Variants in UBE2E1 observed in about 807,000 individuals in gnomAD.
The protein encoded by UBE2E1 is ubiquitin conjugating enzyme E2 E1, also known as ubiquitin-conjugating enzyme E2 E1.
A neutral mutation model predicts 21.4 loss-of-function variants in UBE2E1; 6 were observed. That is an observed-to-expected ratio of 0.28 (90% CI 0.15 to 0.55). The LOEUF (loss-of-function observed/expected upper bound fraction) is 0.55, where lower values mean the gene tolerates loss of function less well. Among genes scored for constraint, UBE2E1 ranks in the 20% least tolerant of loss-of-function variants. UBE2E1 has a pLI of 0.93. For missense variants in UBE2E1, 142 were observed against 236.5 expected (o/e 0.60, Z 2.62); for synonymous variants, 87 against 82.7 (o/e 1.05, Z -0.28).
rs1162737574 is a variant in UBE2E1, at chr3:23,842,555, G to A, written c.203+31045G>A. 6.6e-6 allele frequency among the ~76,000 whole-genome samples: 1 copy of A among 152,070 alleles called. No individual in the cohort carries two copies. The highest frequency in any genetic ancestry group is 1.5e-5 in the Non-Finnish European group (1 of 68,022). ...TTGTCATCCTAAGTGAGATAATAAG[G>A]CAAGATATTTCAAGGCCTCCTTTTG... On this transcript the variant is annotated intron_variant, in intron 3 of 5. Transcript: ENST00000306627. This position sits in a 1 kb window ranked among gnomAD's most constrained non-coding sequence, Gnocchi z 4.6.
chr3:23,838,611 C>G (rs1389781416), intron 3 of UBE2E1, among the ~76,000 whole-genome samples: 7 of 152,176 alleles, frequency 4.6e-5, no homozygotes, highest in Admixed American at 4.6e-4. Flanking sequence ...TTTCTCCTGC[C>G]TCAGCCTCCT....
At chr3:23,840,118 T>G (rs1183380142) in intron 3 of UBE2E1, among the ~76,000 whole-genome samples, 1 of 152,212 alleles carries the variant, frequency 6.6e-6, no homozygotes, top group Non-Finnish European at 1.5e-5. Context: ...AGTTGTTGTA[T>G]TTCTTCATAT....
At chr3:23,811,383 G>T in intron 2 of UBE2E1, 77 bp from the exon 3 acceptor site, 1 of 1,380,688 alleles carries the variant, frequency 7.2e-7, no homozygotes. Context: ...TTTATCTGCA[G>T]ACCTGCACGC....
intron 3 of UBE2E1, among the ~76,000 whole-genome samples, chr3:23,822,520 G>A (rs1298920647): frequency 6.6e-6 from 1 of 151,652 alleles, no homozygotes; most frequent in South Asian, 2.1e-4. Flanking sequence ...TCTACTTTAC[G>A]AGATTCAAGT....
chr3:23,811,423 C>T, intron 2 of UBE2E1, 37 bp from the exon 3 acceptor site: 1 of 1,612,434 alleles, frequency 6.2e-7, no homozygotes, highest in Non-Finnish European at 8.5e-7. Context: ...CGCCTTAATG[C>T]TTCTTGTGTT....
intron 3 of UBE2E1, among the ~76,000 whole-genome samples, chr3:23,828,284 C>G (rs1439841915): frequency 1.3e-5 from 2 of 152,156 alleles, no homozygotes; most frequent in Non-Finnish European, 2.9e-5. Flanking sequence ...ATCACAGAAA[C>G]ATGTAGGCTG....
intron 3 of UBE2E1, among the ~76,000 whole-genome samples, chr3:23,852,524 C>T (rs554232916): frequency 1.3e-5 from 2 of 152,316 alleles, no homozygotes; most frequent in African/African-American, 4.8e-5. Flanking sequence ...TTTGAGTTTT[C>T]TCTCTACAAG....
intron 3 of UBE2E1, among the ~76,000 whole-genome samples, chr3:23,815,905 A>G (rs1169104930): frequency 6.6e-6 from 1 of 152,232 alleles, no homozygotes; most frequent in East Asian, 1.9e-4. Context: ...ACCTTTATGC[A>G]TGTAAAGGCA....
Position 23,810,537 on chromosome 3 carries a change from AG to A in UBE2E1, c.153-921del. On this transcript the variant is annotated intron_variant, in intron 2 of 5. Transcript: ENST00000306627. The surrounding 1 kb of genome is among the most constrained non-coding windows in gnomAD (Gnocchi z 5.8). ...CGCCCGGGGAAAAGCAGGTCCGGGG[AG>A]GTGGGCCGAGAGTCCCGGCCAGCGT... is the stretch of plus-strand genomic sequence containing the variant. The A allele has an allele frequency of 1.3e-6, 2 of 1,533,734 alleles. No individual in the cohort carries two copies. Among genetic ancestry groups the A allele is most frequent in the Non-Finnish European group, 1.7e-6 (2 of 1,145,626 alleles).
chr3:23,861,456 C>T (rs1158494096), intron 3 of UBE2E1, among the ~76,000 whole-genome samples: 5 of 152,138 alleles, frequency 3.3e-5, no homozygotes, highest in South Asian at 4.1e-4. Flanking sequence ...GGGTCCCTGG[C>T]GAGGGCTCCA....
intron 3 of UBE2E1, among the ~76,000 whole-genome samples, chr3:23,856,036 T>C (rs1700428266): frequency 1.3e-5 from 2 of 152,026 alleles, no homozygotes; most frequent in South Asian, 4.1e-4. Context: ...GTTTTTCTTT[T>C]CTTTTCTTTT....
At chr3:23,858,111 C>T (rs368623000) in intron 3 of UBE2E1, among the ~76,000 whole-genome samples, 6 of 152,138 alleles carry the variant, frequency 3.9e-5, no homozygotes, top group African/African-American at 1.2e-4. Context: ...AAACCTCAGG[C>T]GCTTTCCCTG....
At chr3:23,890,329 C>G (rs1701362872) in intron 5 of UBE2E1, among the ~76,000 whole-genome samples, 180 bp from the exon 6 acceptor site, 1 of 152,156 alleles carries the variant, frequency 6.6e-6, no homozygotes, top group South Asian at 2.1e-4. Flanking sequence ...CCCTCTTCCC[C>G]CAACGTTATG....
At chr3:23,830,312 A>G (rs903481477) in intron 3 of UBE2E1, among the ~76,000 whole-genome samples, 1 of 152,204 alleles carries the variant, frequency 6.6e-6, no homozygotes, top group East Asian at 1.9e-4. Flanking sequence ...AGGGTTCACA[A>G]AGGTCAGCAG....
At chr3:23,889,504 T>TTTTAG in intron 5 of UBE2E1, 1 of 1,381,156 alleles carries the variant, frequency 7.2e-7, no homozygotes, top group Non-Finnish European at 9.3e-7. Flanking sequence ...TGCCTTGGGC[T>TTTTAG]TTTAGTTTCA....
intron 3 of UBE2E1, among the ~76,000 whole-genome samples, chr3:23,828,044 G>A (rs1349214038): frequency 6.6e-6 from 1 of 152,060 alleles, no homozygotes; most frequent in Non-Finnish European, 1.5e-5. Context: ...GTGTCCCAGG[G>A]CACTTTAAAT....
At chr3:23,818,484 C>T (rs185893363) in intron 3 of UBE2E1, among the ~76,000 whole-genome samples, 188 of 152,240 alleles carry the variant, frequency 1.2e-3, no homozygotes, top group Non-Finnish European at 5.1e-4. Context: ...TTTAGTTTGA[C>T]GATTTTCACA....
intron 3 of UBE2E1, among the ~76,000 whole-genome samples, chr3:23,869,688 C>T (rs1006414653): frequency 1.6e-5 from 2 of 128,234 alleles, no homozygotes; most frequent in African/African-American, 2.9e-5. Context: ...CTCAGGGGTT[C>T]GAGACCAGCC....
At chr3:23,860,219 C>A (rs545606424) in intron 3 of UBE2E1, among the ~76,000 whole-genome samples, 116 of 152,342 alleles carry the variant, frequency 7.6e-4, no homozygotes, top group African/African-American at 2.7e-3. Flanking sequence ...GATGAACGTT[C>A]TGACCCGCTC....
Sources: gnomAD v4.1 joint callset for allele counts (sites outside exome capture counted in the v4.1 genomes callset) on GRCh38, gnomAD v4.1.1 for gene constraint, Gnocchi (gnomAD v3.1) non-coding constraint, MANE v1.5 for transcripts, NCBI Gene and HGNC (gene_info 2026-07-23, HGNC 2026-07-21) for gene names.